Variants in CACNA1B observed in about 807,000 individuals in gnomAD.
CACNA1B encodes voltage-dependent N-type calcium channel subunit alpha-1B.
CACNA1B carries 70 observed loss-of-function variants against 247.2 expected under a neutral mutation model. The observed-to-expected ratio is 0.28, with a 90% CI of 0.23 to 0.35. CACNA1B has a LOEUF of 0.35. CACNA1B is among the 10% of genes least tolerant of loss of function. The pLI, the probability that CACNA1B is intolerant of heterozygous loss-of-function variation, is 1.00. For synonymous variants in CACNA1B, 1,231 were observed against 1,294.4 expected (o/e 0.95, Z 1.05); for missense variants, 2,367 against 3,197.4 (o/e 0.74, Z 6.26).
intron 36 of CACNA1B, among the ~76,000 whole-genome samples, chr9:138,084,101 C>T (rs141705988): frequency 1.3e-5 from 2 of 151,248 alleles, no homozygotes; most frequent in Admixed American, 1.3e-4. Context: ...AATCTCGCCC[C>T]CTGGGCCTGA....
At chr9:138,098,638 C>G (rs1312298292) in intron 37 of CACNA1B, among the ~76,000 whole-genome samples, 1 of 152,174 alleles carries the variant, frequency 6.6e-6, no homozygotes, top group Non-Finnish European at 1.5e-5. Context: ...GGCCAGATGG[C>G]AGCTTGGTTA....
At chr9:138,064,465 A>T (rs957423653) in intron 31 of CACNA1B, among the ~76,000 whole-genome samples, 6 of 152,230 alleles carry the variant, frequency 3.9e-5, no homozygotes, top group Non-Finnish European at 1.5e-5. Flanking sequence ...GGTGGCTGTT[A>T]TCAGCCTTCT....
rs1005487076 is a variant in CACNA1B, at chr9:137,949,677, C to T, written c.967-2597C>T. ...GAGCTGATGATGCAGTTCCCGATGG[C>T]GGTGGCCGGCAGAGGTGAAATCCAG... is the stretch of plus-strand genomic sequence containing the variant. On this transcript the variant is annotated intron_variant, in intron 6 of 46. Coordinates refer to ENST00000371372, the MANE Select transcript of CACNA1B (RefSeq NM_000718.4). 2.6e-5 allele frequency among the ~76,000 whole-genome samples: 4 copies of T among 152,156 alleles called. No homozygotes were observed. In the East Asian group the frequency reaches 5.8e-4, roughly 22 times the overall value.
intron 15 of CACNA1B, among the ~76,000 whole-genome samples, chr9:137,992,276 C>T (rs1435250746): frequency 7.9e-5 from 12 of 152,124 alleles, no homozygotes; most frequent in Admixed American, 7.9e-4. Context: ...TAAAAGCGAG[C>T]AGGAATAGCC....
intron 31 of CACNA1B, among the ~76,000 whole-genome samples, chr9:138,066,186 G>A (rs1959908297): frequency 6.6e-6 from 1 of 152,266 alleles, no homozygotes; most frequent in Non-Finnish European, 1.5e-5. Flanking sequence ...TGAGGGTAGT[G>A]TGGATGCCAC....
rs1479762849 is a variant in CACNA1B at position 137,950,813 on chromosome 9, C to T, written c.967-1461C>T. Among the ~76,000 whole-genome samples, 1 of 152,212 alleles carries T rather than the reference C, an allele frequency of 6.6e-6. No homozygotes were observed. Among genetic ancestry groups the T allele is most frequent in the Non-Finnish European group, 1.5e-5 (1 of 68,042 alleles). ...CCTAGCTAGTCTGCTCTATTTTCTC[C>T]ATCTTTCAGAGTCATTCTATATTTG... is the stretch of plus-strand genomic sequence containing the variant. On this transcript the variant is annotated intron_variant, in intron 6 of 46. Transcript: ENST00000371372. The surrounding 1 kb of genome is among the most constrained non-coding windows in gnomAD (Gnocchi z 4.8).
chr9:137,971,702 A>G lies in CACNA1B; in HGVS notation c.1543+110A>G, dbSNP rs74569187. 4.1e-4 allele frequency: 358 copies of G among 871,586 alleles called. 5 individuals are homozygous for G. The African/African-American group carries it at 5.2e-3, about 13-fold the overall frequency. The allele number at this position is 871,586 out of a possible 1,614,324, so 54.0% of individuals were successfully genotyped here. A position where few individuals can be genotyped will look rare whatever the true frequency, so the allele number is the denominator to read the frequency against. ...CCCAGGTGGGACGGGACCCACCCCC[A>G]TGTTGCTCAAAGTATCCCACAGCCC... On this transcript the variant is annotated intron_variant, in intron 11 of 46. Coordinates refer to ENST00000371372, the MANE Select transcript of CACNA1B (RefSeq NM_000718.4). The surrounding 1 kb of genome is among the most constrained non-coding windows in gnomAD (Gnocchi z 4.4).
chr9:138,039,050 G>A (rs970666690), intron 20 of CACNA1B, among the ~76,000 whole-genome samples: 1 of 151,976 alleles, frequency 6.6e-6, no homozygotes, highest in Non-Finnish European at 1.5e-5. Context: ...ATAAAAATTA[G>A]CCGGGTGTAG....
intron 35 of CACNA1B, 39 bp downstream of exon 35, chr9:138,075,949 C>A: frequency 7.6e-7 from 1 of 1,317,302 alleles, no homozygotes; most frequent in Non-Finnish European, 1.1e-6. Context: ...GTCTGCTCTT[C>A]CGTCGGGGGC....
At chr9:137,956,850 C>T (rs746872627) in intron 9 of CACNA1B, 23 bp downstream of exon 9, 7 of 1,605,538 alleles carry the variant, frequency 4.4e-6, no homozygotes, top group Non-Finnish European at 5.1e-6. Flanking sequence ...TGCTGGTACT[C>T]CTGTGTGGTG....
intron 5 of CACNA1B, among the ~76,000 whole-genome samples, chr9:137,915,191 A>G (rs984932268): frequency 2.6e-5 from 4 of 152,122 alleles, no homozygotes; most frequent in Non-Finnish European, 2.9e-5. Flanking sequence ...AGTAGGTGCA[A>G]AGGCCTATGG....
At chr9:138,077,874 C>T (rs1470768306) in intron 35 of CACNA1B, among the ~76,000 whole-genome samples, 3 of 152,234 alleles carry the variant, frequency 2.0e-5, no homozygotes, top group East Asian at 1.9e-4. Flanking sequence ...CTCGCCCTGG[C>T]GCTGGCCCCT....
At chr9:137,883,674 G>C (rs71510860) in intron 3 of CACNA1B, among the ~76,000 whole-genome samples, 21,521 of 151,934 alleles carry the variant, frequency 0.14, 1,685 homozygotes, top group Admixed American at 0.17. Context: ...GTGGTGGCTG[G>C]GGAGTGAGTG....
chr9:138,066,769 A>T (rs1318303917), intron 31 of CACNA1B, among the ~76,000 whole-genome samples: 1 of 152,242 alleles, frequency 6.6e-6, no homozygotes, highest in Non-Finnish European at 1.5e-5. Context: ...TTACAGCCTT[A>T]ATGTTTATAT....
At chr9:137,921,657 G>A (rs1466879895) in intron 6 of CACNA1B, among the ~76,000 whole-genome samples, 4 of 140,850 alleles carry the variant, frequency 2.8e-5, no homozygotes, top group South Asian at 4.5e-4. Flanking sequence ...CACCACGACC[G>A]CACAGCATCC....
intron 10 of CACNA1B, among the ~76,000 whole-genome samples, chr9:137,961,287 A>G (rs188757555): frequency 6.6e-6 from 1 of 152,204 alleles, no homozygotes; most frequent in East Asian, 1.9e-4. Flanking sequence ...TCAGCTTGAG[A>G]ATATTTTGGG....
chr9:138,074,400 C>T (rs1960242498), intron 34 of CACNA1B, among the ~76,000 whole-genome samples: 1 of 152,056 alleles, frequency 6.6e-6, no homozygotes, highest in Non-Finnish European at 1.5e-5. Context: ...GCCACCACGC[C>T]CGGCTAATTT....
At chr9:137,978,998 C>CT (rs1958262101) in intron 12 of CACNA1B, among the ~76,000 whole-genome samples, 1 of 152,198 alleles carries the variant, frequency 6.6e-6, no homozygotes. Context: ...CAAAGAAGGT[C>CT]TGAGTGCATC....
At position 137,881,672 on chromosome 9, in the gene CACNA1B, G is replaced by A. The variant is rs73668136; in HGVS notation, c.391-1072G>A. On this transcript the variant is annotated intron_variant, in intron 2 of 46. Coordinates refer to ENST00000371372, the MANE Select transcript of CACNA1B (RefSeq NM_000718.4). The surrounding 1 kb of genome is among the most constrained non-coding windows in gnomAD (Gnocchi z 4.3). ...AGCTTCCCGGGCTTGCCTTGCACAG[G>A]GCCTTTCCCTGCCAGCCCCACGCGT... Among the ~76,000 whole-genome samples the A allele has an allele frequency of 0.013, 1,929 of 152,238 alleles. 43 individuals carry two copies. The highest frequency in any genetic ancestry group is 0.044 in the African/African-American group (1,832 of 41,548).
Sources: gnomAD v4.1 joint callset for allele counts (sites outside exome capture counted in the v4.1 genomes callset) on GRCh38, gnomAD v4.1.1 for gene constraint, Gnocchi (gnomAD v3.1) non-coding constraint, MANE v1.5 for transcripts, NCBI Gene and HGNC (gene_info 2026-07-23, HGNC 2026-07-21) for gene names.